The following WDR33 variants were observed in gnomAD, a reference collection of about 807,000 sequenced individuals.
WDR33 encodes WD repeat domain 33, also known as pre-mRNA 3' end processing protein WDR33.
Under a neutral mutation model 164.9 loss-of-function variants are expected in WDR33, and 47 were observed. The ratio of observed to expected loss-of-function variants is 0.29; its 90% CI spans 0.23 to 0.36. The LOEUF (loss-of-function observed/expected upper bound fraction) is 0.36. Ranked by LOEUF, WDR33 falls within the 10% of genes least tolerant of loss-of-function variation. WDR33 has a pLI of 1.00. For missense variants in WDR33, 1,137 were observed against 1,754.1 expected (o/e 0.65, Z 6.28); for synonymous variants, 505 against 589.0 (o/e 0.86, Z 2.06).
At chr2:127,731,998 G>C (rs1686719502) in intron 7 of WDR33, among the ~76,000 whole-genome samples, 1 of 152,054 alleles carries the variant, frequency 6.6e-6, no homozygotes, top group Admixed American at 6.6e-5. Flanking sequence ...TGATGTGGGA[G>C]GACTGCTTGA....
Position 127,764,796 on chromosome 2 carries a change from G to C in WDR33, c.626+32C>G. 1 of 1,614,106 alleles carries C rather than the reference G, an allele frequency of 6.2e-7. No individual in the cohort carries two copies. The highest frequency in any genetic ancestry group is 1.1e-5 in the South Asian group (1 of 91,082). On this transcript the variant is annotated intron_variant, in intron 6 of 21. Coordinates refer to ENST00000322313, the MANE Select transcript of WDR33 (RefSeq NM_018383.5). This position sits in a 1 kb window ranked among gnomAD's most constrained non-coding sequence, Gnocchi z 6.2. ...GAGAATAATTTAACCATGACAATAG[G>C]GACTACAGAAAATGGTATATTGTGT...
intron 1 of WDR33, among the ~76,000 whole-genome samples, chr2:127,779,495 T>C (rs746486671): frequency 6.7e-6 from 1 of 150,208 alleles, no homozygotes; most frequent in Non-Finnish European, 1.5e-5. Context: ...ATAGAACATA[T>C]GATAGAACTG....
rs1686013809 is a variant in WDR33, at chr2:127,706,429, G to A, written c.3905C>T (p.Thr1302Ile). The change falls in exon 22 of 22, where the codon ACC (threonine) becomes ATC (isoleucine). Residue 1302 changes from threonine to isoleucine, a missense_variant. By Grantham distance (89) the Thr-to-Ile change is moderately conservative. Coordinates refer to ENST00000322313, the MANE Select transcript of WDR33 (RefSeq NM_018383.5). This position sits in a 1 kb window ranked among gnomAD's most constrained non-coding sequence, Gnocchi z 5.1. ...GCCACTCCGGCCCCCTCGAGAAGGG[G>A]TGCCACTGCCTGGAGGGCCCCCAAA... Reference protein sequence around the residue: ...EPFGGPPGSGTPSRGGRSGSN... With the variant: ...EPFGGPPGSGIPSRGGRSGSN... 2 of 1,613,438 alleles carry A rather than the reference G, an allele frequency of 1.2e-6. No individual in the cohort carries two copies. The highest frequency in any genetic ancestry group is 1.7e-6 in the Non-Finnish European group (2 of 1,179,810).
intron 1 of WDR33, among the ~76,000 whole-genome samples, chr2:127,780,826 G>A (rs540902262): frequency 6.6e-6 from 1 of 152,220 alleles, no homozygotes; most frequent in East Asian, 1.9e-4. Flanking sequence ...AGCAGAATGA[G>A]ACCCTATCTC....
rs1558946162 is a variant in WDR33, at chr2:127,769,032, A to G, written c.205-31T>C. 8 of 1,251,312 alleles carry G rather than the reference A, an allele frequency of 6.4e-6. No homozygotes were observed. The Admixed American group carries it at 8.4e-5, about 13-fold the overall frequency. The allele number at this position is 1,251,312 out of a possible 1,614,324, so 77.5% of individuals were successfully genotyped here. A position where few individuals can be genotyped will look rare whatever the true frequency, so the allele number is the denominator to read the frequency against. On this transcript the variant is annotated intron_variant, in intron 2 of 21. Transcript: ENST00000322313. ...AAATAAATAAATAAATAAATAAATAAATAAATAGATCAATTAATGACTATA... is the reference window on the plus strand; with the variant it reads ...AAATAAATAAATAAATAAATAAATAGATAAATAGATCAATTAATGACTATA...
chr2:127,701,790 G>C lies in WDR33; in HGVS notation c.*4533C>G, dbSNP rs953133255. ...GGGCGGCGGGTGCCTGCTGCTGGCTGCACTGTGTTTCGGCCTAGCCGCGCT... is the reference window on the plus strand; with the variant it reads ...GGGCGGCGGGTGCCTGCTGCTGGCTCCACTGTGTTTCGGCCTAGCCGCGCT... On this transcript the variant is annotated 3_prime_UTR_variant, in exon 22 of 22. Transcript: ENST00000322313. The C allele has an allele frequency of 3.4e-6, 5 of 1,451,040 alleles. No homozygotes were observed. The African/African-American group carries it at 5.9e-5, about 17-fold the overall frequency. 89.9% of individuals were successfully genotyped at this position (1,451,040 alleles called of 1,614,324 possible).
intron 1 of WDR33, among the ~76,000 whole-genome samples, chr2:127,779,485 A>G (rs926365758): frequency 6.7e-6 from 1 of 150,316 alleles, no homozygotes; most frequent in African/African-American, 2.5e-5. Flanking sequence ...GTTAAAAAAA[A>G]TAGAACATAT....
At chr2:127,810,012 G>A (rs2104699101) in intron 1 of WDR33, among the ~76,000 whole-genome samples, 1 of 152,174 alleles carries the variant, frequency 6.6e-6, no homozygotes, top group South Asian at 2.1e-4. Context: ...TTTGAATTAA[G>A]TAGGTTTACC....
Position 127,726,576 on chromosome 2 carries a change from C to G in WDR33, c.851+75G>C, listed in dbSNP as rs1686578087. The G allele has an allele frequency of 6.4e-7, 1 of 1,555,514 alleles. No individual in the cohort carries two copies. ...TCTTCCAGAAATACATAAGAGAAAA[C>G]AAAGCTAAAAGTTAAAGGACACACT... On this transcript the variant is annotated intron_variant, in intron 8 of 21. Transcript: ENST00000322313. The surrounding 1 kb of genome is among the most constrained non-coding windows in gnomAD (Gnocchi z 4.8).
At position 127,713,346 on chromosome 2, in the gene WDR33, C is replaced by T. The variant is rs566609364; in HGVS notation, c.3308+237G>A. On this transcript the variant is annotated intron_variant, in intron 18 of 21. Transcript: ENST00000322313. The surrounding 1 kb of genome is among the most constrained non-coding windows in gnomAD (Gnocchi z 6.2). The stretch of plus-strand genomic sequence containing the variant: ...GATCCTCCCATCTCTTTAGAAAGGA[C>T]CAAAATATAAAAAAATAAACAAAAC... Among the ~76,000 whole-genome samples, 1 of 152,112 alleles carries T rather than the reference C, an allele frequency of 6.6e-6. No homozygotes were observed. Among genetic ancestry groups the T allele is most frequent in the African/African-American group, 2.4e-5 (1 of 41,488 alleles).
intron 1 of WDR33, among the ~76,000 whole-genome samples, chr2:127,789,520 C>CG (rs1688767471): frequency 6.8e-6 from 1 of 146,408 alleles, no homozygotes; most frequent in Non-Finnish European, 1.5e-5. Flanking sequence ...GCCAACACAG[C>CG]GAAACCCCGT....
chr2:127,721,927 T>C lies in WDR33; in HGVS notation c.1580A>G (p.Glu527Gly), dbSNP rs752268757. 2 of 1,613,938 alleles carry C rather than the reference T, an allele frequency of 1.2e-6. No homozygotes were observed. Among genetic ancestry groups the C allele is most frequent in the Non-Finnish European group, 1.7e-6 (2 of 1,179,990 alleles). Residue 527 changes from glutamate (E) to glycine (G), a missense_variant, in exon 15 of 22, where the codon GAA becomes GGA. Around this residue, in one of 9 missense-constraint regions of WDR33, gnomAD observed 75 missense variants for 124.7 expected, o/e 0.60. Transcript: ENST00000322313. This position sits in a 1 kb window ranked among gnomAD's most constrained non-coding sequence, Gnocchi z 4.9. ...APNEVLNDRKEDIKLEEKKKT... is the reference protein window; with the variant it reads ...APNEVLNDRKGDIKLEEKKKT... ...TTTCTTCTCTTCCAATTTAATGTCT[T>C]CTTTTCTGTCATTCAGCACCTCATT...
intron 7 of WDR33, among the ~76,000 whole-genome samples, chr2:127,759,616 G>A (rs367873393): frequency 6.4e-4 from 98 of 152,264 alleles, no homozygotes; most frequent in African/African-American, 2.2e-3. Context: ...ACTTGAACCC[G>A]AGAGGCGGAG....
At chr2:127,755,223 T>C (rs1179003749) in intron 7 of WDR33, among the ~76,000 whole-genome samples, 1 of 152,226 alleles carries the variant, frequency 6.6e-6, no homozygotes, top group African/African-American at 2.4e-5. Context: ...AATCCTGAAA[T>C]CTAGTGAACT....
intron 1 of WDR33, among the ~76,000 whole-genome samples, chr2:127,806,459 C>A (rs1299429287): frequency 6.6e-6 from 1 of 152,082 alleles, no homozygotes; most frequent in Non-Finnish European, 1.5e-5. Flanking sequence ...CTGCTCACCT[C>A]AGCCTCCCAA....
intron 1 of WDR33, among the ~76,000 whole-genome samples, chr2:127,783,658 A>G (rs922296505): frequency 3.2e-5 from 4 of 124,094 alleles, no homozygotes; most frequent in Admixed American, 2.1e-4. Context: ...AGGCTGGAGT[A>G]CAGTGGTGTG....
chr2:127,806,207 TTTC>T (rs1689435092), intron 1 of WDR33, among the ~76,000 whole-genome samples: 1 of 147,544 alleles, frequency 6.8e-6, no homozygotes, highest in Non-Finnish European at 1.5e-5. Context: ...TGTTTTTCTT[TTTC>T]TTTTTTTTTT....
chr2:127,730,613 C>G (rs78880363), intron 7 of WDR33, among the ~76,000 whole-genome samples: 2,178 of 152,148 alleles, frequency 0.014, 66 homozygotes, highest in African/African-American at 0.051. Flanking sequence ...ACAAAAAAAG[C>G]TCATGAAATA....
In WDR33 at chr2:127,720,376, G is replaced by T; in HGVS notation, c.1672-23C>A. The T allele has an allele frequency of 6.6e-7, 1 of 1,503,904 alleles. No individual in the cohort carries two copies. Among genetic ancestry groups the T allele is most frequent in the African/African-American group, 1.4e-5 (1 of 71,578 alleles). The allele number at this position is 1,503,904 out of a possible 1,614,324, so 93.2% of individuals were successfully genotyped here. ...TTGCTGGAAAGAAAGAAAGAAAAAA[G>T]CATGTTGAATAAACAGGCCAGAGCC... On this transcript the variant is annotated intron_variant, in intron 15 of 21. Coordinates refer to ENST00000322313, the MANE Select transcript of WDR33 (RefSeq NM_018383.5). The surrounding 1 kb of genome is among the most constrained non-coding windows in gnomAD (Gnocchi z 5.9).
Sources: gnomAD v4.1 joint callset for allele counts (sites outside exome capture counted in the v4.1 genomes callset) on GRCh38, gnomAD v4.1.1 for gene constraint, gnomAD v4.1.1 regional missense constraint, Gnocchi (gnomAD v3.1) non-coding constraint, MANE v1.5 for transcripts, NCBI Gene and HGNC (gene_info 2026-07-23, HGNC 2026-07-21) for gene names.